Variants in ERBB2 observed in about 807,000 individuals in gnomAD.
ERBB2 encodes the protein erb-b2 receptor tyrosine kinase 2.
Under a neutral mutation model 149.0 loss-of-function variants are expected in ERBB2, and 61 were observed. The ratio of observed to expected loss-of-function variants is 0.41; its 90% CI spans 0.33 to 0.51. ERBB2 has a LOEUF of 0.51. Among genes scored for constraint, ERBB2 ranks in the 20% least tolerant of loss-of-function variants. The pLI is 0.25. For synonymous variants in ERBB2, 633 were observed against 678.8 expected (o/e 0.93, Z 1.05); for missense variants, 1,205 against 1,655.1 (o/e 0.73, Z 4.72).
upstream of ERBB2, chr17:39,699,682 T>C (rs1377405220): frequency 1.2e-6 from 1 of 824,576 alleles, no homozygotes; most frequent in Admixed American, 2.1e-5. Flanking sequence ...AGGCTTGGGA[T>C]GGAGTAGGAT....
Position 39,710,078 on chromosome 17 carries a change from C to T in ERBB2, c.644-8C>T, listed in dbSNP as rs755787286. The T allele has an allele frequency of 3.7e-6, 6 of 1,601,568 alleles. No homozygotes were observed. Among genetic ancestry groups the T allele is most frequent in the Admixed American group, 1.7e-5 (1 of 59,898 alleles). ...CACTCAGCCCTCATCCTGCCCTTTGCCCAACAGTGACGCGCACTGTCTGTG... is the reference window on the plus strand; with the variant it reads ...CACTCAGCCCTCATCCTGCCCTTTGTCCAACAGTGACGCGCACTGTCTGTG... On this transcript the variant is annotated splice_region_variant and splice_polypyrimidine_tract_variant and intron_variant, in intron 5 of 26. Transcript: ENST00000269571.
upstream of ERBB2, among the ~76,000 whole-genome samples, chr17:39,698,065 C>G (rs2057907208): frequency 6.6e-6 from 1 of 152,058 alleles, no homozygotes; most frequent in Admixed American, 6.6e-5. Context: ...CTAGATCTGC[C>G]CCAGTATAAC....
chr17:39,725,880 C>T lies in ERBB2; in HGVS notation c.2872+27C>T, dbSNP rs751548843. ...TGCGTGGCTGAGCTGTGCTGGCTGC[C>T]TGGAGGAGGGTGGGAGGTCCTGGGT... On this transcript the variant is annotated intron_variant, in intron 23 of 26. Transcript: ENST00000269571. This position sits in a 1 kb window ranked among gnomAD's most constrained non-coding sequence, Gnocchi z 4.6. 4.0e-5 allele frequency: 65 copies of T among 1,610,774 alleles called. No homozygotes were observed. Among genetic ancestry groups the T allele is most frequent in the Non-Finnish European group, 5.1e-5 (60 of 1,178,806 alleles).
upstream of ERBB2, among the ~76,000 whole-genome samples, chr17:39,697,349 G>GTT (rs1452125824): frequency 4.8e-3 from 636 of 132,116 alleles, 9 homozygotes; most frequent in African/African-American, 0.016. Flanking sequence ...TTGTTTTTTT[G>GTT]TTTTGTTTTT....
chr17:39,719,111 A>G (rs185468551), intron 15 of ERBB2, among the ~76,000 whole-genome samples: 27 of 151,162 alleles, frequency 1.8e-4, no homozygotes, highest in African/African-American at 4.8e-4. Context: ...AAATACAAAA[A>G]TTAGCCAGGC....
chr17:39,716,342 C>A lies in ERBB2; in HGVS notation c.1555C>A (p.His519Asn). ...CTGCCACCAGCTGTGCGCCCGAGGG[C>A]ACTGCTGGGGTCCAGGGCCCACCCA... The part of the protein sequence containing the change: ...LACHQLCARG[H>N]CWGPGPTQCV... The change falls in exon 13 of 27, where the codon CAC (histidine) becomes AAC (asparagine). Residue 519 changes from histidine (H) to asparagine (N), a missense_variant. His to Asn is a moderately conservative substitution (Grantham distance 68). Transcript: ENST00000269571. 3.7e-6 allele frequency: 6 copies of A among 1,606,886 alleles called. No homozygotes were observed. The highest frequency in any genetic ancestry group is 4.2e-6 in the Non-Finnish European group (5 of 1,177,410).
Position 39,728,404 on chromosome 17 carries a change from C to G in ERBB2, c.*360C>G, listed in dbSNP as rs987861222. 1.1e-5 allele frequency: 3 copies of G among 266,366 alleles called. No individual in the cohort carries two copies. The highest frequency in any genetic ancestry group is 1.4e-5 in the Non-Finnish European group (2 of 139,858). The allele number at this position is 266,366 out of a possible 1,614,324, so 16.5% of individuals were successfully genotyped here. On this transcript the variant is annotated 3_prime_UTR_variant, in exon 27 of 27. Transcript: ENST00000269571. ...AGGGGAAGCGGCCCTAAGGGAGTGT[C>G]TAAGAACAAAAGCGACCCATTCAGA...
chr17:39,715,698 C>G (rs370006622), intron 11 of ERBB2, 42 bp from the exon 12 acceptor site: 12 of 1,598,844 alleles, frequency 7.5e-6, no homozygotes, highest in Non-Finnish European at 1.0e-5. Flanking sequence ...CTTTGCTGAC[C>G]GGGAAGGGGT....
In ERBB2 at chr17:39,716,369, T is replaced by C; in HGVS notation, c.1582T>C (p.Cys528Arg). The C allele has an allele frequency of 3.7e-6, 6 of 1,609,276 alleles. No individual in the cohort carries two copies. Among genetic ancestry groups the C allele is most frequent in the Non-Finnish European group, 5.1e-6 (6 of 1,177,276 alleles). Residue 528 changes from cysteine to arginine, a missense_variant, in exon 13 of 27, where the codon TGT (cysteine) becomes CGT (arginine). Cys to Arg is a radical substitution (Grantham distance 180, BLOSUM62 -3). Transcript: ENST00000269571. ...GHCWGPGPTQ[C>R]VNCSQFLRGQ... ...CTGCTGGGGTCCAGGGCCCACCCAG[T>C]GTGTCAACTGCAGCCAGTTCCTTCG...
upstream of ERBB2, chr17:39,696,450 G>C (rs1293690021): frequency 2.6e-5 from 4 of 152,272 alleles, no homozygotes; most frequent in Non-Finnish European, 5.9e-5. Flanking sequence ...TGGGCGGGGG[G>C]GTGGAGAGTG....
chr17:39,725,349 T>C lies in ERBB2; in HGVS notation c.2672T>C (p.Leu891Pro), dbSNP rs1243781530. ...CAGGTGCCCATCAAGTGGATGGCGC[T>C]GGAGTCCATTCTCCGCCGGCGGTTC... ...GGKVPIKWMA[L>P]ESILRRRFTH... Residue 891 changes from leucine (L) to proline (P), a missense_variant, in exon 22 of 27, where the codon CTG (leucine) becomes CCG (proline). Physicochemically the swap from Leu to Pro is moderately conservative, Grantham distance 98. This residue lies in a region of ERBB2 where 152 missense variants were observed against 318.1 expected (regional missense o/e 0.48). Transcript: ENST00000269571. The surrounding 1 kb of genome is among the most constrained non-coding windows in gnomAD (Gnocchi z 4.6). 4.3e-6 allele frequency: 7 copies of C among 1,613,236 alleles called. No homozygotes were observed. Among genetic ancestry groups the C allele is most frequent in the Non-Finnish European group, 5.1e-6 (6 of 1,179,840 alleles).
chr17:39,723,506 C>A lies in ERBB2; in HGVS notation c.2086-32C>A, dbSNP rs1368405073. 6.2e-7 allele frequency: 1 copy of A among 1,613,530 alleles called. No individual in the cohort carries two copies. The highest frequency in any genetic ancestry group is 8.5e-7 in the Non-Finnish European group (1 of 1,179,786). ...AGCCCGCGTGGGGTCTGCACCGGCC[C>A]CCGGCACTGACCCACCACCCCCTCA... On this transcript the variant is annotated intron_variant, in intron 17 of 26. Coordinates refer to ENST00000269571, the MANE Select transcript of ERBB2 (RefSeq NM_004448.4). The surrounding 1 kb of genome is among the most constrained non-coding windows in gnomAD (Gnocchi z 6.2).
Position 39,725,932 on chromosome 17 carries a change from G to T in ERBB2, c.2872+79G>T, listed in dbSNP as rs2059732816. The T allele has an allele frequency of 2.0e-6, 3 of 1,500,216 alleles. No homozygotes were observed. The East Asian group carries it at 6.8e-5, about 34-fold the overall frequency. The allele number at this position is 1,500,216 out of a possible 1,614,324, so 92.9% of individuals were successfully genotyped here. On this transcript the variant is annotated intron_variant, in intron 23 of 26. Coordinates refer to ENST00000269571, the MANE Select transcript of ERBB2 (RefSeq NM_004448.4). The surrounding 1 kb of genome is among the most constrained non-coding windows in gnomAD (Gnocchi z 4.6). ...GAGGAGCCCACAAGGGGCATGAAAG[G>T]GGACCAGGATGTATGTAGACCCAGG...
rs776432518 is a variant in ERBB2 at position 39,710,492 on chromosome 17, G to C, written c.901+11G>C. On this transcript the variant is annotated intron_variant, in intron 7 of 26. Transcript: ENST00000269571. The stretch of plus-strand genomic sequence containing the variant: ...TGACTGCCTGTCCCTGTGAGTGCCA[G>C]GGAGAAACACAGTTTTCTCATTTTG... The C allele has an allele frequency of 1.2e-5, 19 of 1,613,680 alleles. No individual in the cohort carries two copies. The South Asian group carries it at 1.5e-4, about 13-fold the overall frequency.
chr17:39,724,422 G>A (rs1163309949), intron 19 of ERBB2, among the ~76,000 whole-genome samples: 2 of 151,720 alleles, frequency 1.3e-5, no homozygotes, highest in African/African-American at 2.4e-5. Context: ...ACCACGCCCG[G>A]CTAATTTTTG....
At chr17:39,698,541 G>A (rs898784541), upstream of ERBB2, among the ~76,000 whole-genome samples, 1 of 152,146 alleles carries the variant, frequency 6.6e-6, no homozygotes, top group Non-Finnish European at 1.5e-5. Flanking sequence ...TTACAGGTGT[G>A]AGCCACCGCG....
intron 19 of ERBB2, among the ~76,000 whole-genome samples, 154 bp downstream of exon 19, chr17:39,724,164 G>A (rs747704071): frequency 6.6e-6 from 1 of 151,962 alleles, no homozygotes; most frequent in Non-Finnish European, 1.5e-5. Flanking sequence ...TGTCACCCAG[G>A]CTGGAGTGCA....
At chr17:39,713,438 A>G (rs976588236) in intron 9 of ERBB2, among the ~76,000 whole-genome samples, 1 of 150,754 alleles carries the variant, frequency 6.6e-6, no homozygotes, top group African/African-American at 2.4e-5. Flanking sequence ...TTTATTGTAT[A>G]TAAGTTATAC....
chr17:39,724,152 T>A, intron 19 of ERBB2, 142 bp downstream of exon 19: 1 of 615,492 alleles, frequency 1.6e-6, no homozygotes, highest in Non-Finnish European at 2.8e-6. Flanking sequence ...GGAGTCTTGC[T>A]CTGTCACCCA....
Sources: allele counts gnomAD v4.1 joint callset (sites outside exome capture counted in the v4.1 genomes callset), GRCh38; gene constraint gnomAD v4.1.1; regional missense constraint gnomAD v4.1.1; non-coding constraint Gnocchi (gnomAD v3.1); transcripts MANE v1.5; gene names NCBI Gene and HGNC (gene_info 2026-07-23, HGNC 2026-07-21).